The following PTPRF variants were observed in gnomAD, a reference collection of about 807,000 sequenced individuals.
PTPRF encodes the protein protein tyrosine phosphatase receptor type F.
PTPRF carries 59 observed loss-of-function variants against 201.8 expected under a neutral mutation model. The ratio of observed to expected loss-of-function variants is 0.29; its 90% CI spans 0.24 to 0.36. The LOEUF (loss-of-function observed/expected upper bound fraction) is 0.36, where lower values mean the gene tolerates loss of function less well. PTPRF is among the 10% of genes least tolerant of loss of function. PTPRF has a pLI of 1.00. For missense variants in PTPRF, 2,132 were observed against 2,690.5 expected (o/e 0.79, Z 4.59); for synonymous variants, 1,088 against 1,089.7 (o/e 1.00, Z 0.03).
In PTPRF at chr1:43,602,085, G is replaced by A; in HGVS notation, c.2328G>A (p.Glu776=). The A allele has an allele frequency of 1.2e-6, 2 of 1,613,756 alleles. No homozygotes were observed. The highest frequency in any genetic ancestry group is 1.7e-6 in the Non-Finnish European group (2 of 1,179,620). Residue 776 remains glutamate (E), a synonymous_variant, in exon 14 of 34, where the codon GAG becomes GAA. Coordinates refer to ENST00000359947, the MANE Select transcript of PTPRF (RefSeq NM_002840.5). ...MLAEAQWRPE[E]SEDYETTISG... Reference sequence around the variant, plus strand: ...CCCGCGGTCAGTGGCGGCCAGAGGAGTCCGAGGACTATGTAAGTAACAGGT... The same window carrying A: ...CCCGCGGTCAGTGGCGGCCAGAGGAATCCGAGGACTATGTAAGTAACAGGT...
intron 24 of PTPRF, 41 bp from the exon 25 acceptor site, chr1:43,617,695 A>G: frequency 6.2e-7 from 1 of 1,602,410 alleles, no homozygotes; most frequent in East Asian, 2.2e-5. Context: ...TGGGCTGGGG[A>G]CCCTGTAGTA....
chr1:43,574,430 ATAGT>A (rs1223581252), intron 6 of PTPRF, among the ~76,000 whole-genome samples: 3 of 152,200 alleles, frequency 2.0e-5, no homozygotes, highest in African/African-American at 4.8e-5. Flanking sequence ...TTAAGGAAAA[ATAGT>A]TATTTTTTTA....
At chr1:43,563,349 G>A (rs1251189550) in intron 5 of PTPRF, among the ~76,000 whole-genome samples, 1 of 152,154 alleles carries the variant, frequency 6.6e-6, no homozygotes, top group Non-Finnish European at 1.5e-5. Flanking sequence ...GAGTTGGTGA[G>A]TCCAGTTAGA....
chr1:43,534,050 TGA>T (rs1198936682), intron 1 of PTPRF, among the ~76,000 whole-genome samples: 1 of 150,910 alleles, frequency 6.6e-6, no homozygotes, highest in Non-Finnish European at 1.5e-5. Context: ...CAGGGTGAGG[TGA>T]GTCCCAGAGG....
intron 6 of PTPRF, among the ~76,000 whole-genome samples, chr1:43,571,336 G>A (rs1557739133): frequency 6.6e-6 from 1 of 152,078 alleles, no homozygotes; most frequent in Non-Finnish European, 1.5e-5. Context: ...TATGGACACA[G>A]CCTTGCCCTG....
At chr1:43,597,087 CTG>C (rs535029860) in intron 11 of PTPRF, among the ~76,000 whole-genome samples, 34 of 151,342 alleles carry the variant, frequency 2.2e-4, no homozygotes, top group South Asian at 1.5e-3. Context: ...CCATGAGAGA[CTG>C]TGTATTTACT....
intron 21 of PTPRF, among the ~76,000 whole-genome samples, chr1:43,608,948 C>G (rs1424463096): frequency 3.3e-5 from 5 of 152,136 alleles, no homozygotes; most frequent in African/African-American, 1.2e-4. Flanking sequence ...TGGGCATTTA[C>G]CCTGATACTC....
chr1:43,598,183 T>C, intron 12 of PTPRF, 130 bp downstream of exon 12: 1 of 984,722 alleles, frequency 1.0e-6, no homozygotes, highest in Non-Finnish European at 1.4e-6. Flanking sequence ...TGTAATGGCC[T>C]AAAGTGGGGG....
At chr1:43,568,287 T>TC (rs1646325505) in intron 5 of PTPRF, among the ~76,000 whole-genome samples, 1 of 142,426 alleles carries the variant, frequency 7.0e-6, no homozygotes, top group Admixed American at 7.2e-5. Flanking sequence ...AGAGTGAGAC[T>TC]CCATCTCAAA....
In PTPRF at chr1:43,591,905, T is replaced by C. The variant is rs762913708; in HGVS notation, c.1625T>C (p.Met542Thr). Residue 542 changes from methionine (M) to threonine (T), a missense_variant, in exon 10 of 34, where the codon ATG becomes ACG. Coordinates refer to ENST00000359947, the MANE Select transcript of PTPRF (RefSeq NM_002840.5). ...WLLPPQERII[M>T]YELVYWAAED... ...CTGCCCCCTCAGGAGCGGATCATCA[T>C]GTATGAACTGGTGTACTGGGCGGCA... 3.7e-6 allele frequency: 6 copies of C among 1,613,618 alleles called. No homozygotes were observed. The highest frequency in any genetic ancestry group is 1.7e-5 in the Admixed American group (1 of 60,022).
chr1:43,597,646 G>A (rs1652678965), intron 11 of PTPRF, 102 bp from the exon 12 acceptor site: 1 of 897,748 alleles, frequency 1.1e-6, no homozygotes, highest in Non-Finnish European at 1.7e-6. Flanking sequence ...GCACCTAAGG[G>A]GTAGCCTGCC....
chr1:43,621,251 C>A lies in PTPRF; in HGVS notation c.5655+19C>A, dbSNP rs746863430. ...GACAGAGGTAACGCAGACCAGGCTG[C>A]AGGGCCAGGGCCTTGGCAGCAGCGC... is the stretch of plus-strand genomic sequence containing the variant. On this transcript the variant is annotated intron_variant, in intron 33 of 33. Coordinates refer to ENST00000359947, the MANE Select transcript of PTPRF (RefSeq NM_002840.5). 13 of 1,611,078 alleles carry A rather than the reference C, an allele frequency of 8.1e-6. No homozygotes were observed. The highest frequency in any genetic ancestry group is 1.1e-5 in the Non-Finnish European group (13 of 1,177,896).
intron 5 of PTPRF, among the ~76,000 whole-genome samples, chr1:43,555,680 G>A (rs1645319161): frequency 6.6e-6 from 1 of 151,948 alleles, no homozygotes; most frequent in Non-Finnish European, 1.5e-5. Flanking sequence ...TCCTGACCTC[G>A]TGATCCGCCC....
rs137989576 is a variant in PTPRF, at chr1:43,612,534, C to T, written c.3974-1084C>T. ...CGAGCCACCAGGGTTTAGAAGTGCTCGCCTCTGGGGGTGGGACACCCAGTC... is the reference window on the plus strand; with the variant it reads ...CGAGCCACCAGGGTTTAGAAGTGCTTGCCTCTGGGGGTGGGACACCCAGTC... On this transcript the variant is annotated intron_variant, in intron 22 of 33. Transcript: ENST00000359947. 9.9e-5 allele frequency among the ~76,000 whole-genome samples: 15 copies of T among 152,202 alleles called. No homozygotes were observed. In the East Asian group the frequency reaches 2.9e-3, roughly 29 times the overall value.
chr1:43,604,903 T>G lies in PTPRF; in HGVS notation c.3038T>G (p.Val1013Gly). 2 of 1,613,868 alleles carry G rather than the reference T, an allele frequency of 1.2e-6. No homozygotes were observed. The highest frequency in any genetic ancestry group is 1.7e-6 in the Non-Finnish European group (2 of 1,179,956). ...IQSRTMPVEQ[V>G]FAKNFRVAAA... ...GCTGACTCTCTCTATGCCTTTGCAG[T>G]GTTTGCCAAGAACTTCCGGGTGGCG... The change falls in exon 17 of 34, where the codon GTG becomes GGG. Residue 1013 changes from valine to glycine, a missense_variant and splice_region_variant. Val to Gly is a moderately radical substitution (Grantham distance 109). Coordinates refer to ENST00000359947, the MANE Select transcript of PTPRF (RefSeq NM_002840.5).
At chr1:43,530,583 A>C (rs1456879490), upstream of PTPRF, among the ~76,000 whole-genome samples, 4 of 152,008 alleles carry the variant, frequency 2.6e-5, no homozygotes, top group Non-Finnish European at 4.4e-5. This position sits in a 1 kb window ranked among gnomAD's most constrained non-coding sequence, Gnocchi z 4.1. Context: ...CTGTATGGGG[A>C]GGAAATGGGG....
Position 43,587,723 on chromosome 1 carries a change from C to T in PTPRF, c.680-1008C>T, listed in dbSNP as rs958872752. ...CTTTGGCCCTGCGTGTGAGAGTGCC[C>T]GTGTAGGACACACCCTGGCCTCTGC... On this transcript the variant is annotated intron_variant, in intron 7 of 33. Coordinates refer to ENST00000359947, the MANE Select transcript of PTPRF (RefSeq NM_002840.5). Among the ~76,000 whole-genome samples, 6 of 152,284 alleles carry T rather than the reference C, an allele frequency of 3.9e-5. No homozygotes were observed. The South Asian group carries it at 8.3e-4, about 21-fold the overall frequency.
chr1:43,531,466 C>A (rs1250218343), intron 1 of PTPRF, among the ~76,000 whole-genome samples: 3 of 145,048 alleles, frequency 2.1e-5, no homozygotes, highest in African/African-American at 7.5e-5. Flanking sequence ...CCGCCTCGTC[C>A]CCCCTTCTAG....
upstream of PTPRF, among the ~76,000 whole-genome samples, chr1:43,527,629 G>A (rs541904344): frequency 2.0e-5 from 3 of 152,356 alleles, no homozygotes; most frequent in South Asian, 6.2e-4. Context: ...AGACTGGTTG[G>A]CACAGCAGTG....
Sources: gnomAD v4.1 joint callset for allele counts (sites outside exome capture counted in the v4.1 genomes callset) on GRCh38, gnomAD v4.1.1 for gene constraint, Gnocchi (gnomAD v3.1) non-coding constraint, MANE v1.5 for transcripts, NCBI Gene and HGNC (gene_info 2026-07-23, HGNC 2026-07-21) for gene names.